Variants in RBFOX1 observed in about 807,000 individuals in gnomAD.
RBFOX1 encodes RNA binding fox-1 homolog 1.
RBFOX1 carries 8 observed loss-of-function variants against 57.7 expected under a neutral mutation model. The ratio of observed to expected loss-of-function variants is 0.14; its 90% CI spans 0.08 to 0.25. RBFOX1 has a LOEUF of 0.25. RBFOX1 is among the 10% of genes least tolerant of loss of function. RBFOX1 has a pLI of 1.00. For synonymous variants in RBFOX1, 326 were observed against 222.4 expected (o/e 1.47, Z -4.15); for missense variants, 611 against 548.5 (o/e 1.11, Z -1.14).
intron 3 of RBFOX1, among the ~76,000 whole-genome samples, chr16:7,050,034 G>C (rs1234141790): frequency 6.6e-6 from 1 of 151,924 alleles, no homozygotes; most frequent in Non-Finnish European, 1.5e-5. Flanking sequence ...CAGTCCTCTG[G>C]CAACATTTAA....
intron 3 of RBFOX1, among the ~76,000 whole-genome samples, chr16:6,805,450 A>C (rs765817089): frequency 9.9e-5 from 15 of 152,134 alleles, no homozygotes; most frequent in African/African-American, 3.1e-4. Flanking sequence ...TTGGCTTAGT[A>C]CCTGGGTGGT....
At chr16:5,781,803 G>T (rs1311130185) in intron 3 of RBFOX1, among the ~76,000 whole-genome samples, 2 of 152,140 alleles carry the variant, frequency 1.3e-5, no homozygotes, top group South Asian at 2.1e-4. Flanking sequence ...AAAATGTGCT[G>T]GTTATCCTCT....
intron 3 of RBFOX1, among the ~76,000 whole-genome samples, chr16:6,884,623 G>C (rs1175102794): frequency 1.3e-5 from 2 of 152,158 alleles, no homozygotes; most frequent in African/African-American, 4.8e-5. Context: ...AATTGGCCAG[G>C]TGTGGTGGCT....
At chr16:5,331,743 C>T (rs1010296919) in intron 1 of RBFOX1, among the ~76,000 whole-genome samples, 1 of 152,242 alleles carries the variant, frequency 6.6e-6, no homozygotes, top group African/African-American at 2.4e-5. Flanking sequence ...TCCTGTAATT[C>T]CCCATGGGCT....
chr16:7,112,332 A>G (rs1423056104), intron 4 of RBFOX1, among the ~76,000 whole-genome samples: 1 of 151,014 alleles, frequency 6.6e-6, no homozygotes, highest in African/African-American at 2.4e-5. Flanking sequence ...ACTCCAAAGT[A>G]TCTGGGACTA....
At chr16:6,806,357 A>G (rs960826561) in intron 3 of RBFOX1, among the ~76,000 whole-genome samples, 1 of 152,218 alleles carries the variant, frequency 6.6e-6, no homozygotes. Context: ...GAGTTTTGAA[A>G]GATGGAATGA....
rs1399980163 is a variant in RBFOX1 at position 7,712,923 on chromosome 16, A to AT, written c.*2182dup. On this transcript the variant is annotated 3_prime_UTR_variant, in exon 16 of 16. Coordinates refer to ENST00000550418, the MANE Select transcript of RBFOX1 (RefSeq NM_018723.4). ...AAAGTAAAATTCATTTGCAGTTTTG[A>AT]TTTTCATCAATGAGCTGTACTTTCC... 6.6e-6 allele frequency: 1 copy of AT among 152,126 alleles called. No individual in the cohort carries two copies. The highest frequency in any genetic ancestry group is 1.5e-5 in the Non-Finnish European group (1 of 68,020). The allele number at this position is 152,126 out of a possible 1,614,324, so 9.4% of individuals were successfully genotyped here.
At chr16:7,602,382 C>CT (rs1396800386) in intron 9 of RBFOX1, among the ~76,000 whole-genome samples, 2 of 152,112 alleles carry the variant, frequency 1.3e-5, no homozygotes, top group Non-Finnish European at 2.9e-5. Flanking sequence ...TGTTGTGGGG[C>CT]TGGGGGGGCC....
intron 4 of RBFOX1, among the ~76,000 whole-genome samples, chr16:5,993,729 G>C (rs1032475613): frequency 1.3e-5 from 2 of 152,098 alleles, no homozygotes; most frequent in African/African-American, 2.4e-5. Flanking sequence ...TTGTATTTTG[G>C]GTGGGATGAT....
intron 3 of RBFOX1, among the ~76,000 whole-genome samples, chr16:6,668,962 G>C (rs1351164714): frequency 6.6e-6 from 1 of 152,200 alleles, no homozygotes. Flanking sequence ...TTTTTGTGAT[G>C]AGTGGAGTGA....
chr16:5,938,357 T>A (rs138135808), intron 4 of RBFOX1, among the ~76,000 whole-genome samples: 1,679 of 152,284 alleles, frequency 0.011, 35 homozygotes, highest in African/African-American at 0.038. Flanking sequence ...GAATTTCAAT[T>A]TTGGCCCTAT....
chr16:5,316,413 G>C (rs1212535417), intron 1 of RBFOX1, among the ~76,000 whole-genome samples: 1 of 152,212 alleles, frequency 6.6e-6, no homozygotes, highest in African/African-American at 2.4e-5. Context: ...GCAGTCTCCA[G>C]TGAATAGGTG....
chr16:5,558,264 A>T (rs1364251980), intron 2 of RBFOX1, among the ~76,000 whole-genome samples: 1 of 152,158 alleles, frequency 6.6e-6, no homozygotes, highest in Non-Finnish European at 1.5e-5. Flanking sequence ...TGTCTGCAGC[A>T]TGCAGAGCTG....
rs1177185329 is a variant in RBFOX1 at position 6,303,805 on chromosome 16, CTTTTTTTTTT to C, written c.-126-13175_-126-13166del. Among the ~76,000 whole-genome samples the C allele has an allele frequency of 1.4e-4, 10 of 70,406 alleles. No homozygotes were observed. The Admixed American group carries it at 1.7e-3, about 12-fold the overall frequency. The allele number at this position is 70,406 out of a possible 152,430, so 46.2% of individuals were successfully genotyped here. A position where few individuals can be genotyped will look rare whatever the true frequency, so the allele number is the denominator to read the frequency against. ...TCTGGCTAACATGGTGAAACCCTGT[CTTTTTTTTTT>C]TTTTTTTTTTTTTTGAGATGGAGTC... is the stretch of plus-strand genomic sequence containing the variant. On this transcript the variant is annotated intron_variant, in intron 1 of 15. Transcript: ENST00000550418.
At chr16:7,068,429 C>T (rs937255887) in intron 4 of RBFOX1, among the ~76,000 whole-genome samples, 1 of 152,268 alleles carries the variant, frequency 6.6e-6, no homozygotes, top group Non-Finnish European at 1.5e-5. Flanking sequence ...CCAGGGTGGC[C>T]ATTGGCCCAG....
intron 3 of RBFOX1, among the ~76,000 whole-genome samples, chr16:5,828,068 T>C (rs1293156111): frequency 6.6e-6 from 1 of 151,624 alleles, no homozygotes; most frequent in South Asian, 2.1e-4. Flanking sequence ...CATCCATCCA[T>C]CCTTTCAGCC....
intron 2 of RBFOX1, among the ~76,000 whole-genome samples, chr16:6,587,304 C>A (rs1423119598): frequency 6.6e-6 from 1 of 151,484 alleles, no homozygotes; most frequent in Non-Finnish European, 1.5e-5. Flanking sequence ...TTTTTTGAGA[C>A]AAAGTCTCAC....
chr16:6,257,351 G>C (rs1304778207), intron 1 of RBFOX1, among the ~76,000 whole-genome samples: 1 of 151,902 alleles, frequency 6.6e-6, no homozygotes, highest in Non-Finnish European at 1.5e-5. Flanking sequence ...AGGGATGTTA[G>C]CCAAATCTCT....
intron 4 of RBFOX1, among the ~76,000 whole-genome samples, chr16:7,421,711 C>A (rs1464742569): frequency 6.6e-6 from 1 of 152,230 alleles, no homozygotes; most frequent in Non-Finnish European, 1.5e-5. Flanking sequence ...AAAGGGCAGT[C>A]ATAGAAATAA....
Sources: allele counts gnomAD v4.1 joint callset (sites outside exome capture counted in the v4.1 genomes callset), GRCh38; gene constraint gnomAD v4.1.1; transcripts MANE v1.5; gene names NCBI Gene and HGNC (gene_info 2026-07-23, HGNC 2026-07-21).